The following VAV3 variants were observed in gnomAD, a reference collection of about 807,000 sequenced individuals.
VAV3 encodes vav guanine nucleotide exchange factor 3, also known as guanine nucleotide exchange factor VAV3.
VAV3 carries 94 observed loss-of-function variants against 131.2 expected under a neutral mutation model. The observed-to-expected ratio is 0.72, with a 90% CI of 0.61 to 0.85. The LOEUF (loss-of-function observed/expected upper bound fraction) is 0.85, where lower values mean the gene tolerates loss of function less well. Ranked by LOEUF, VAV3 falls within the 40% of genes least tolerant of loss-of-function variation. The pLI is 0.00. For missense variants in VAV3, 939 were observed against 1,002.7 expected, an observed-to-expected ratio of 0.94 and a Z score of 0.86; for synonymous variants, 349 against 342.0, an observed-to-expected ratio of 1.02 and a Z score of -0.22.
intron 1 of VAV3, among the ~76,000 whole-genome samples, chr1:107,934,892 C>T (rs974300117): frequency 1.3e-5 from 2 of 152,238 alleles, no homozygotes; most frequent in African/African-American, 2.4e-5. Context: ...AGACGTGCTA[C>T]AAGAAACAAA....
At chr1:107,848,794 G>A (rs1234696968) in intron 2 of VAV3, among the ~76,000 whole-genome samples, 1 of 152,164 alleles carries the variant, frequency 6.6e-6, no homozygotes, top group Non-Finnish European at 1.5e-5. Flanking sequence ...GTCTCTGTTT[G>A]CAGATGATAT....
rs540133451 is a variant in VAV3, at chr1:107,647,949, C to G, written c.1778-5194G>C. 8.5e-5 allele frequency among the ~76,000 whole-genome samples: 13 copies of G among 152,132 alleles called. No individual in the cohort carries two copies. In the South Asian group the frequency reaches 2.7e-3, roughly 32 times the overall value. ...CCCTGACATCACAGCTTATAGGGCT[C>G]TTTCTAAGAAAGCATGACTTTTTCA... On this transcript the variant is annotated intron_variant, in intron 19 of 26. Coordinates refer to ENST00000370056, the MANE Select transcript of VAV3 (RefSeq NM_006113.5).
At chr1:107,720,035 A>G (rs530430942) in intron 15 of VAV3, among the ~76,000 whole-genome samples, 2 of 152,232 alleles carry the variant, frequency 1.3e-5, no homozygotes, top group East Asian at 3.9e-4. Flanking sequence ...CAAGGCAGGG[A>G]ACATCACACA....
chr1:107,813,113 C>T (rs568039607), intron 2 of VAV3, among the ~76,000 whole-genome samples: 4 of 81,086 alleles, frequency 4.9e-5, no homozygotes, highest in East Asian at 6.2e-4. Context: ...AGCCAGACTC[C>T]GTCTCAAAAA....
At position 107,688,361 on chromosome 1, in the gene VAV3, A is replaced by G. The variant is rs1403947210; in HGVS notation, c.1731+20T>C. 1 of 1,611,082 alleles carries G rather than the reference A, an allele frequency of 6.2e-7. No homozygotes were observed. ...TTGAAATGCAAAGGTTATAAAAAAT[A>G]TTTAAAATGTTAATCTTACCTCTGG... On this transcript the variant is annotated intron_variant, in intron 18 of 26. Transcript: ENST00000370056.
At position 107,834,238 on chromosome 1, in the gene VAV3, C is replaced by T. The variant is rs189185210; in HGVS notation, c.321+40663G>A. Among the ~76,000 whole-genome samples, 11 of 152,214 alleles carry T rather than the reference C, an allele frequency of 7.2e-5. No homozygotes were observed. In the East Asian group the frequency reaches 1.9e-3, roughly 27 times the overall value. On this transcript the variant is annotated intron_variant, in intron 2 of 26. Transcript: ENST00000370056. ...CTTAAAGGGAAATAAATGCATGATA[C>T]ACCCGTAAATTATTCCAAAACCACA...
At chr1:107,911,648 C>T (rs1020232572) in intron 1 of VAV3, among the ~76,000 whole-genome samples, 2 of 152,194 alleles carry the variant, frequency 1.3e-5, no homozygotes, top group African/African-American at 2.4e-5. Context: ...AAATGGGCCA[C>T]CATAGAGACT....
intron 15 of VAV3, among the ~76,000 whole-genome samples, chr1:107,715,226 C>G (rs180791558): frequency 1.2e-4 from 18 of 152,228 alleles, no homozygotes; most frequent in Non-Finnish European, 2.4e-4. Flanking sequence ...CCACCGAGCA[C>G]TCAAATTTGT....
intron 1 of VAV3, among the ~76,000 whole-genome samples, chr1:107,927,365 T>C (rs142711478): frequency 4.3e-3 from 648 of 152,136 alleles, no homozygotes; most frequent in South Asian, 0.013. Flanking sequence ...CTCACGACAT[T>C]CCCAGCTGTG....
intron 1 of VAV3, among the ~76,000 whole-genome samples, chr1:107,911,803 T>C (rs933012245): frequency 5.3e-5 from 8 of 152,210 alleles, no homozygotes; most frequent in Admixed American, 4.6e-4. Flanking sequence ...TCAGCCTGTG[T>C]TTAAACACTC....
intron 2 of VAV3, among the ~76,000 whole-genome samples, chr1:107,825,189 A>T (rs184108696): frequency 1.6e-3 from 241 of 152,288 alleles, no homozygotes; most frequent in Non-Finnish European, 2.1e-3. Context: ...TCTTTTACAG[A>T]GAATGTCTGC....
At chr1:107,750,113 G>A (rs745642114) in intron 13 of VAV3, among the ~76,000 whole-genome samples, 6 of 152,128 alleles carry the variant, frequency 3.9e-5, no homozygotes, top group Non-Finnish European at 7.4e-5. Context: ...GGAAACTGAG[G>A]CTTAGAGAAG....
chr1:107,840,984 A>G (rs908178524), intron 2 of VAV3, among the ~76,000 whole-genome samples: 5 of 152,052 alleles, frequency 3.3e-5, no homozygotes, highest in Non-Finnish European at 7.4e-5. Flanking sequence ...AGGCAGTGAG[A>G]CCACAATGAG....
At chr1:107,833,331 T>G (rs1668336253) in intron 2 of VAV3, among the ~76,000 whole-genome samples, 1 of 152,134 alleles carries the variant, frequency 6.6e-6, no homozygotes, top group Non-Finnish European at 1.5e-5. Flanking sequence ...AGGCCCTAAC[T>G]CTCTTCCATT....
At chr1:107,638,959 A>T (rs942557846) in intron 20 of VAV3, among the ~76,000 whole-genome samples, 1 of 152,186 alleles carries the variant, frequency 6.6e-6, no homozygotes, top group African/African-American at 2.4e-5. Flanking sequence ...ATATACACAT[A>T]AAGATATATA....
chr1:107,749,341 A>C, intron 14 of VAV3, 121 bp downstream of exon 14: 1 of 1,154,534 alleles, frequency 8.7e-7, no homozygotes, highest in Non-Finnish European at 1.2e-6. Context: ...GTACCTAATC[A>C]ATCTCTAGAA....
chr1:107,724,299 C>T (rs1661697439), intron 15 of VAV3, among the ~76,000 whole-genome samples: 1 of 151,778 alleles, frequency 6.6e-6, no homozygotes, highest in South Asian at 2.1e-4. Flanking sequence ...TAGGTCCCCA[C>T]TTTTTCTTTG....
chr1:107,722,840 C>CTTTTTTTTTTTTTTTTT (rs374127110), intron 15 of VAV3, among the ~76,000 whole-genome samples: 1 of 129,812 alleles, frequency 7.7e-6, no homozygotes, highest in Non-Finnish European at 1.6e-5. Flanking sequence ...ATTATCCTCT[C>CTTTTTTTTTTTTTTTTT]TTTTTTTTTT....
At chr1:107,836,205 A>G (rs1668471363) in intron 2 of VAV3, among the ~76,000 whole-genome samples, 2 of 152,216 alleles carry the variant, frequency 1.3e-5, no homozygotes, top group Admixed American at 1.3e-4. Flanking sequence ...CAGAATACTC[A>G]ACCCAACAAT....
Sources: allele counts gnomAD v4.1 joint callset (sites outside exome capture counted in the v4.1 genomes callset), GRCh38; gene constraint gnomAD v4.1.1; transcripts MANE v1.5; gene names NCBI Gene and HGNC (gene_info 2026-07-23, HGNC 2026-07-21).